The following MICAL2 variants were observed in gnomAD, a reference collection of about 807,000 sequenced individuals.
MICAL2 encodes [F-actin]-monooxygenase MICAL2.
A neutral mutation model predicts 127.3 loss-of-function variants in MICAL2; 77 were observed. The ratio of observed to expected loss-of-function variants is 0.60; its 90% CI spans 0.50 to 0.73. The LOEUF (loss-of-function observed/expected upper bound fraction) is 0.73. Ranked by LOEUF, MICAL2 falls within the 30% of genes least tolerant of loss-of-function variation. The pLI, the probability that MICAL2 is intolerant of heterozygous loss-of-function variation, is 0.00. For missense variants in MICAL2, 1,351 were observed against 1,434.4 expected, an observed-to-expected ratio of 0.94 and a Z score of 0.94; for synonymous variants, 570 against 551.1, an observed-to-expected ratio of 1.03 and a Z score of -0.48.
At chr11:12,165,672 A>G (rs1233072009) in intron 3 of MICAL2, among the ~76,000 whole-genome samples, 1 of 152,256 alleles carries the variant, frequency 6.6e-6, no homozygotes, top group East Asian at 1.9e-4. Context: ...CCGCTGCCAT[A>G]TGCTGAGCAC....
intron 1 of MICAL2, among the ~76,000 whole-genome samples, chr11:12,280,015 C>G (rs573221808): frequency 5.3e-5 from 8 of 152,352 alleles, no homozygotes; most frequent in Admixed American, 5.2e-4. Context: ...ACTAACACAT[C>G]ACTGCTTGAG....
At chr11:12,294,348 A>G, downstream of MICAL2, 1 of 1,614,204 alleles carries the variant, frequency 6.2e-7, no homozygotes, top group South Asian at 1.1e-5. Context: ...TTGCCCGCAC[A>G]GGCCTGCACT....
chr11:12,291,717 G>A (rs781188783), downstream of MICAL2, among the ~76,000 whole-genome samples: 1 of 152,216 alleles, frequency 6.6e-6, no homozygotes, highest in Non-Finnish European at 1.5e-5. Context: ...TATCCTGTCT[G>A]TGCCCATGGC....
intron 1 of MICAL2, among the ~76,000 whole-genome samples, chr11:12,117,912 G>A (rs1400269093): frequency 6.6e-6 from 1 of 152,242 alleles, no homozygotes; most frequent in South Asian, 2.1e-4. Context: ...CTCAGGGAGA[G>A]GATTCACTCA....
chr11:12,116,012 G>A (rs1849989363), intron 1 of MICAL2, among the ~76,000 whole-genome samples: 1 of 124,828 alleles, frequency 8.0e-6, no homozygotes, highest in African/African-American at 3.1e-5. Context: ...ATGGAGTCTC[G>A]CTCTTTCACC....
chr11:12,358,852 A>G (rs1939169773), downstream of MICAL2: 1 of 156,454 alleles, frequency 6.4e-6, no homozygotes, highest in African/African-American at 2.4e-5. Flanking sequence ...ATTTTTGAGA[A>G]GCTGCCTTTT....
At chr11:12,251,958 T>A (rs1453603162) in intron 22 of MICAL2, among the ~76,000 whole-genome samples, 2 of 152,190 alleles carry the variant, frequency 1.3e-5, no homozygotes, top group Non-Finnish European at 2.9e-5. Flanking sequence ...GGGGAGGCAG[T>A]AATTGTGCAT....
chr11:12,167,323 C>T (rs1565080920), intron 3 of MICAL2, among the ~76,000 whole-genome samples: 1 of 152,172 alleles, frequency 6.6e-6, no homozygotes, highest in Non-Finnish European at 1.5e-5. Flanking sequence ...GAGTATGCAG[C>T]AGGGTCACCA....
chr11:12,231,134 A>G (rs1488287058), intron 15 of MICAL2, among the ~76,000 whole-genome samples: 1 of 152,056 alleles, frequency 6.6e-6, no homozygotes, highest in Non-Finnish European at 1.5e-5. Context: ...GACTCACAAT[A>G]CCTACCAGTA....
intron 25 of MICAL2, among the ~76,000 whole-genome samples, chr11:12,259,145 T>C (rs1449606596): frequency 2.6e-5 from 4 of 152,052 alleles, no homozygotes; most frequent in Non-Finnish European, 4.4e-5. Flanking sequence ...TGTAAAAACA[T>C]GGGAAGGAAA....
chr11:12,308,346 AT>A (rs1864136554), intron 29 of MICAL2: 2 of 152,222 alleles, frequency 1.3e-5, no homozygotes, highest in Admixed American at 6.5e-5. Context: ...CTTGTTATCT[AT>A]AGATCAGTTT....
At chr11:12,114,767 T>C (rs1309304473) in intron 1 of MICAL2, among the ~76,000 whole-genome samples, 1 of 152,194 alleles carries the variant, frequency 6.6e-6, no homozygotes, top group African/African-American at 2.4e-5. Flanking sequence ...GTGTGGACGT[T>C]TCCTCAGCAC....
In MICAL2 at chr11:12,138,200, C is replaced by G. The variant is rs1459196219; in HGVS notation, c.-148-190C>G. On this transcript the variant is annotated intron_variant, in intron 1 of 27. Transcript: ENST00000683283. ...CAATAGAATTTGTTTAGCCATCTTG[C>G]TATTCCTTTCTTCACGTGCAAAACT... Among the ~76,000 whole-genome samples, 4 of 149,996 alleles carry G rather than the reference C, an allele frequency of 2.7e-5. No individual in the cohort carries two copies. The East Asian group carries it at 7.7e-4, about 29-fold the overall frequency.
In MICAL2 at chr11:12,260,995, A is replaced by G. The variant is rs896345548; in HGVS notation, c.3334+1098A>G. On this transcript the variant is annotated intron_variant, in intron 26 of 27. Coordinates refer to ENST00000683283, the MANE Select transcript of MICAL2 (RefSeq NM_001282663.2). ...GCAGTGCCAAAGATGAGCTCTTTCA[A>G]CTGATGGCATTTTAGCCCCTGTGGC... 5 of 985,408 alleles carry G rather than the reference A, an allele frequency of 5.1e-6. No homozygotes were observed. The African/African-American group carries it at 7.0e-5, about 14-fold the overall frequency. The allele number at this position is 985,408 out of a possible 1,614,324, so 61.0% of individuals were successfully genotyped here.
chr11:12,358,366 C>T lies in MICAL2; in HGVS notation c.5761C>T (p.Gln1921Ter). Residue 1921 changes from glutamine to a stop codon, truncating the protein, a stop_gained, in exon 35 of 35, where the codon CAA becomes TAA. Coordinates refer to the MICAL2 transcript ENST00000646065. LOFTEE classifies it high-confidence loss of function. ...CACCGAGCTGATGCAAGTGATTGAG[C>T]AAAGGGACAAACTCGTCGATTCCTT... The T allele has an allele frequency of 6.2e-7, 1 of 1,614,092 alleles. No homozygotes were observed. Among genetic ancestry groups the T allele is most frequent in the African/African-American group, 1.3e-5 (1 of 75,010 alleles).
At chr11:12,251,233 CAGT>C (rs1565252963) in intron 22 of MICAL2, among the ~76,000 whole-genome samples, 1 of 8,164 alleles carries the variant, frequency 1.2e-4, no homozygotes, top group East Asian at 8.2e-3. Context: ...GTTTGAGGAG[CAGT>C]GAGCTAAGCC....
At chr11:12,304,382 G>A (rs1381426296) in intron 29 of MICAL2, among the ~76,000 whole-genome samples, 1 of 152,094 alleles carries the variant, frequency 6.6e-6, no homozygotes, top group Non-Finnish European at 1.5e-5. Flanking sequence ...TATAATCCCA[G>A]CACTTTGGGA....
chr11:12,280,599 G>C (rs1158706286), intron 1 of MICAL2, among the ~76,000 whole-genome samples: 1 of 152,182 alleles, frequency 6.6e-6, no homozygotes, highest in Non-Finnish European at 1.5e-5. Flanking sequence ...TTCTGTGCCT[G>C]TGTGTGTCCA....
intron 1 of MICAL2, among the ~76,000 whole-genome samples, chr11:12,279,178 G>A (rs1228405236): frequency 3.3e-5 from 5 of 152,322 alleles, no homozygotes; most frequent in African/African-American, 1.2e-4. Flanking sequence ...AGAAGAAAGT[G>A]TCTCAAGAGG....
Sources: allele counts gnomAD v4.1 joint callset (sites outside exome capture counted in the v4.1 genomes callset), GRCh38; gene constraint gnomAD v4.1.1; transcripts MANE v1.5; gene names NCBI Gene and HGNC (gene_info 2026-07-23, HGNC 2026-07-21).